Variants in KLHL13 observed in about 807,000 individuals in gnomAD.
KLHL13 encodes the protein kelch-like protein 13.
Under a neutral mutation model 37.1 loss-of-function variants are expected in KLHL13, and 10 were observed. The observed-to-expected ratio is 0.27, with a 90% confidence interval of 0.17 to 0.46. KLHL13 has a LOEUF of 0.46. Ranked by LOEUF, KLHL13 falls within the 20% of genes least tolerant of loss-of-function variation. KLHL13 has a pLI of 1.00. For synonymous variants in KLHL13, 163 were observed against 181.2 expected, an observed-to-expected ratio of 0.90 and a Z score of 0.81; for missense variants, 360 against 509.3, an observed-to-expected ratio of 0.71 and a Z score of 2.82.
intron 1 of KLHL13, among the ~76,000 whole-genome samples, chrX:117,978,904 A>G (rs1232912910): frequency 9.7e-6 from 1 of 103,298 alleles, no homozygotes; most frequent in Admixed American, 1.0e-4. Flanking sequence ...GGGTTGTGGT[A>G]GTGGAAATCA....
At chrX:117,964,634 C>T (rs749544552) in intron 1 of KLHL13, among the ~76,000 whole-genome samples, 13 of 111,493 alleles carry the variant, frequency 1.2e-4, no homozygotes, top group Admixed American at 4.7e-4. Flanking sequence ...ATGTGCACAA[C>T]GTGCAGCTTT....
Position 117,908,380 on chromosome X carries a change from C to T in KLHL13, c.1366+921G>A, listed in dbSNP as rs748623911. ...CCTACATTAGGTATTTCTCCTAATGCTATCCCTCCCCTAGCCCCCCAACCC... is the reference window on the plus strand; with the variant it reads ...CCTACATTAGGTATTTCTCCTAATGTTATCCCTCCCCTAGCCCCCCAACCC... On this transcript the variant is annotated intron_variant, in intron 5 of 6. Coordinates refer to ENST00000262820, the Ensembl canonical transcript of KLHL13. Among the ~76,000 whole-genome samples, 17 of 108,971 alleles carry T rather than the reference C, an allele frequency of 1.6e-4. No individual in the cohort carries two copies. The East Asian group carries it at 4.6e-3, about 29-fold the overall frequency. The allele number at this position is 108,971 out of a possible 115,157, so 94.6% of individuals were successfully genotyped here.
intron 1 of KLHL13, among the ~76,000 whole-genome samples, chrX:118,014,660 G>A (rs1346698461): frequency 1.8e-5 from 2 of 112,310 alleles, no homozygotes; most frequent in African/African-American, 3.2e-5. Context: ...AGAACCTGAC[G>A]ATATGTGACT....
intron 1 of KLHL13, among the ~76,000 whole-genome samples, chrX:118,060,104 C>T (rs1487946645): frequency 1.8e-5 from 2 of 111,900 alleles, no homozygotes; most frequent in Non-Finnish European, 3.8e-5. Context: ...ACAGACATAA[C>T]AGAGCATATA....
At chrX:117,971,180 A>AG (rs2053516711) in intron 1 of KLHL13, among the ~76,000 whole-genome samples, 1 of 111,871 alleles carries the variant, frequency 8.9e-6, no homozygotes, top group Admixed American at 9.6e-5. Flanking sequence ...AGGGGCAATA[A>AG]GGGCTGCAAT....
chrX:118,062,904 C>T (rs1446556222), intron 1 of KLHL13, among the ~76,000 whole-genome samples: 1 of 111,120 alleles, frequency 9.0e-6, no homozygotes, highest in African/African-American at 3.3e-5. Context: ...TTCTACTGGT[C>T]CTCTGACTAA....
intron 2 of KLHL13, among the ~76,000 whole-genome samples, chrX:117,944,003 T>C (rs190199316): frequency 8.1e-5 from 9 of 111,276 alleles, no homozygotes; most frequent in Admixed American, 3.8e-4. Flanking sequence ...GACCTTCAGA[T>C]GCGGTTTCTG....
intron 1 of KLHL13, among the ~76,000 whole-genome samples, chrX:118,100,167 T>C (rs1423923700): frequency 9.0e-6 from 1 of 111,584 alleles, no homozygotes. Context: ...AGTATAACAT[T>C]TTCACTTTCT....
chrX:117,906,170 A>G (rs1027753899), intron 5 of KLHL13, among the ~76,000 whole-genome samples: 6 of 111,320 alleles, frequency 5.4e-5, no homozygotes, highest in African/African-American at 2.0e-4. Context: ...TTGAAGGAGG[A>G]ATTCTATTTT....
rs6646027 is a variant in KLHL13, at chrX:118,010,742, T to A, written c.-55-65167A>T. On this transcript the variant is annotated intron_variant, in intron 1 of 6. Transcript: ENST00000371882. Reference sequence around the variant, plus strand: ...GTACCCTAAAACTTAAAATATAATTTAAAAAAAAAAAGAGTCAATGCTAGG... The same window carrying A: ...GTACCCTAAAACTTAAAATATAATTAAAAAAAAAAAAGAGTCAATGCTAGG... Among the ~76,000 whole-genome samples, 618 of 101,673 alleles carry A rather than the reference T, an allele frequency of 6.1e-3. 5 individuals are homozygous for A. The highest frequency in any genetic ancestry group is 0.019 in the African/African-American group (529 of 28,051). 88.3% of individuals were successfully genotyped at this position (101,673 alleles called of 115,157 possible).
At chrX:117,964,283 C>G (rs1394026323) in intron 1 of KLHL13, among the ~76,000 whole-genome samples, 2 of 112,033 alleles carry the variant, frequency 1.8e-5, no homozygotes, top group African/African-American at 6.5e-5. Flanking sequence ...CTCATTTAGT[C>G]CAGACAAATT....
chrX:117,979,847 G>A (rs2053640780), intron 1 of KLHL13, among the ~76,000 whole-genome samples: 1 of 111,434 alleles, frequency 9.0e-6, no homozygotes, highest in Non-Finnish European at 1.9e-5. Context: ...TCTATCACCT[G>A]AAATAGTGAT....
chrX:117,952,412 A>G lies in KLHL13; in HGVS notation c.99-6837T>C, dbSNP rs1209747571. On this transcript the variant is annotated intron_variant, in intron 1 of 6. Transcript: ENST00000262820. ...TTATACAAAAATTAATTCAAGATGG[A>G]TTAAAGACTTAAATGTTAGACCTAA... 2.7e-5 allele frequency among the ~76,000 whole-genome samples: 3 copies of G among 109,493 alleles called. No individual in the cohort carries two copies. In the East Asian group the frequency reaches 8.5e-4, roughly 31 times the overall value.
intron 1 of KLHL13, among the ~76,000 whole-genome samples, chrX:117,966,141 T>C (rs2053424842): frequency 8.9e-6 from 1 of 111,873 alleles, no homozygotes; most frequent in Non-Finnish European, 1.9e-5. Context: ...AACATGATTG[T>C]ATATCTAGAA....
intron 1 of KLHL13, among the ~76,000 whole-genome samples, chrX:118,049,793 C>T (rs1569302958): frequency 8.9e-6 from 1 of 111,910 alleles, no homozygotes; most frequent in Non-Finnish European, 1.9e-5. Flanking sequence ...GGTATGTTCA[C>T]AGCTACTTTT....
At chrX:118,002,595 AAAATAAATAAAT>A (rs571584663) in intron 1 of KLHL13, among the ~76,000 whole-genome samples, 5,255 of 94,105 alleles carry the variant, frequency 0.056, 191 homozygotes, top group Middle Eastern at 0.13. Context: ...CTCTGTCTCG[AAAATAAATAAAT>A]AAATAAATAA....
rs953055917 is a variant in KLHL13 at position 117,910,176 on chromosome X, G to C, written c.571-80C>G. 4 of 658,338 alleles carry C rather than the reference G, an allele frequency of 6.1e-6. No individual in the cohort carries two copies. The Admixed American group carries it at 1.4e-4, about 23-fold the overall frequency. The allele number at this position is 658,338 out of a possible 1,213,427, so 54.3% of individuals were successfully genotyped here. A position where few individuals can be genotyped will look rare whatever the true frequency, so the allele number is the denominator to read the frequency against. On this transcript the variant is annotated intron_variant, in intron 4 of 6. Transcript: ENST00000262820. ...CTTGATAGCACAAATACCTGTTCTA[G>C]AATAAGAGTAAATTATGCTTTTAAT...
At chrX:117,909,477 T>C in exon 5 of KLHL13, 1 of 1,211,843 alleles carries the variant, frequency 8.3e-7, no homozygotes, top group Non-Finnish European at 1.1e-6. Flanking sequence ...ATAATTACTC[T>C]GTCCGCCAAC....
intron 4 of KLHL13, among the ~76,000 whole-genome samples, chrX:117,917,238 A>C (rs1353171715): frequency 8.9e-6 from 1 of 111,748 alleles, no homozygotes; most frequent in East Asian, 2.8e-4. Context: ...TCTGCAAAAA[A>C]GGATGAAGGA....
Sources: gnomAD v4.1 joint callset for allele counts (sites outside exome capture counted in the v4.1 genomes callset) on GRCh38, gnomAD v4.1.1 for gene constraint, MANE v1.5 for transcripts, NCBI Gene and HGNC (gene_info 2026-07-23, HGNC 2026-07-21) for gene names.